FAM98A: variants seen among roughly 807,000 people sequenced by gnomAD.
The protein encoded by FAM98A is protein FAM98A.
In FAM98A, 25 loss-of-function variants were observed where a neutral mutation model predicts 62.9. That is an observed-to-expected ratio of 0.40 (90% CI 0.29 to 0.56). The LOEUF is 0.56. FAM98A is among the 20% of genes least tolerant of loss of function. The pLI is 0.51. For synonymous variants in FAM98A, 252 were observed against 228.6 expected (o/e 1.10, Z -0.92); for missense variants, 653 against 640.7 (o/e 1.02, Z -0.21).
chr2:33,585,168 C>A lies in FAM98A; in HGVS notation c.1165G>T (p.Gly389Cys). The change falls in exon 8 of 8, where the codon GGT (glycine) becomes TGT (cysteine). Residue 389 changes from glycine to cysteine, a missense_variant. By Grantham distance (159) the Gly-to-Cys change is radical. Transcript: ENST00000238823. ...CCATCTTGGTAGCCACCTCCTCCACCACTCCCTCCATCTGTCCAGCCTCCT... is the reference window on the plus strand; with the variant it reads ...CCATCTTGGTAGCCACCTCCTCCACAACTCCCTCCATCTGTCCAGCCTCCT... ...HQGGWTDGGS[G>C]GGGGYQDGGY... 2 of 1,614,138 alleles carry A rather than the reference C, an allele frequency of 1.2e-6. No individual in the cohort carries two copies. The highest frequency in any genetic ancestry group is 1.7e-6 in the Non-Finnish European group (2 of 1,180,024).
chr2:33,593,578 C>T (rs764874560), intron 2 of FAM98A, among the ~76,000 whole-genome samples: 2 of 152,184 alleles, frequency 1.3e-5, no homozygotes, highest in Non-Finnish European at 2.9e-5. Flanking sequence ...AAAGCTCTTT[C>T]TTCATTATTT....
At chr2:33,598,805 T>C (rs563196104) in intron 1 of FAM98A, among the ~76,000 whole-genome samples, 32 of 152,136 alleles carry the variant, frequency 2.1e-4, no homozygotes, top group Admixed American at 3.3e-4. Flanking sequence ...AGAATCAACT[T>C]TGGCAACCTT....
intron 3 of FAM98A, among the ~76,000 whole-genome samples, chr2:33,590,898 C>T (rs1281109916): frequency 2.0e-5 from 3 of 152,258 alleles, no homozygotes; most frequent in Admixed American, 6.5e-5. Context: ...GCATTCCACA[C>T]AGCTATTATC....
chr2:33,588,637 A>G, intron 3 of FAM98A, 118 bp from the exon 4 acceptor site: 1 of 648,674 alleles, frequency 1.5e-6, no homozygotes, highest in Non-Finnish European at 2.4e-6. Flanking sequence ...AAGAATGGAT[A>G]AAAACAAGAA....
Position 33,585,427 on chromosome 2 carries a change from C to T in FAM98A, c.906G>A (p.Val302=), listed in dbSNP as rs1677524742. The T allele has an allele frequency of 6.2e-7, 1 of 1,614,032 alleles. No individual in the cohort carries two copies. Among genetic ancestry groups the T allele is most frequent in the East Asian group, 2.2e-5 (1 of 44,892 alleles). Reference sequence around the variant, plus strand: ...CATTGGGTCTACCACCTCTGTCAGGCACCCTGCCCATCAACACCTACAGAA... The same window carrying T: ...CATTGGGTCTACCACCTCTGTCAGGTACCCTGCCCATCAACACCTACAGAA... ...CAINKVLMGR[V]PDRGGRPNEI... The change falls in exon 8 of 8, where the codon GTG becomes GTA. Residue 302 remains valine (V), a synonymous_variant. Transcript: ENST00000238823.
chr2:33,596,076 T>G (rs1343250886), intron 1 of FAM98A, among the ~76,000 whole-genome samples: 1 of 152,202 alleles, frequency 6.6e-6, no homozygotes, highest in African/African-American at 2.4e-5. Context: ...CTAGATTATG[T>G]TTTTATTTTG....
chr2:33,596,798 A>C (rs1677822404), intron 1 of FAM98A, among the ~76,000 whole-genome samples: 1 of 150,544 alleles, frequency 6.6e-6, no homozygotes, highest in South Asian at 2.1e-4. Context: ...AGGCTGAGGC[A>C]GGAGAATGGC....
rs1677891454 is a variant in FAM98A at position 33,599,025 on chromosome 2, G to C, written c.53+144C>G. 5.4e-6 allele frequency: 4 copies of C among 740,140 alleles called. No individual in the cohort carries two copies. In the East Asian group the frequency reaches 9.7e-5, roughly 18 times the overall value. 45.8% of individuals were successfully genotyped at this position (740,140 alleles called of 1,614,324 possible). Reference sequence around the variant, plus strand: ...AGTGCAGACAGTGGACGTGGCATTGGGGGTGCCGGGGCCAAAGGGAAGCGA... The same window carrying C: ...AGTGCAGACAGTGGACGTGGCATTGCGGGTGCCGGGGCCAAAGGGAAGCGA... On this transcript the variant is annotated intron_variant, in intron 1 of 7. Transcript: ENST00000238823.
intron 1 of FAM98A, among the ~76,000 whole-genome samples, chr2:33,597,471 C>A (rs1572421470): frequency 6.6e-6 from 1 of 152,096 alleles, no homozygotes; most frequent in Non-Finnish European, 1.5e-5. Flanking sequence ...AAATTTATAA[C>A]AGTTTTCAGA....
rs539294537 is a variant in FAM98A at position 33,592,065 on chromosome 2, T to A, written c.337+15A>T. 6 of 1,607,120 alleles carry A rather than the reference T, an allele frequency of 3.7e-6. No homozygotes were observed. Among genetic ancestry groups the A allele is most frequent in the South Asian group, 3.3e-5 (3 of 90,032 alleles). On this transcript the variant is annotated intron_variant, in intron 3 of 7. Coordinates refer to ENST00000238823, the MANE Select transcript of FAM98A (RefSeq NM_015475.5). ...ACAGAAAGTAATAGCTATATTCTAG[T>A]AGCCATGAACTTACTGAGCAAGAGG...
intron 1 of FAM98A, among the ~76,000 whole-genome samples, chr2:33,596,502 G>A (rs1677814425): frequency 6.6e-6 from 1 of 152,108 alleles, no homozygotes; most frequent in Non-Finnish European, 1.5e-5. Flanking sequence ...GTCACTCCAA[G>A]TAATCTTAAA....
At chr2:33,591,080 G>A (rs1204192266) in intron 3 of FAM98A, among the ~76,000 whole-genome samples, 2 of 152,004 alleles carry the variant, frequency 1.3e-5, no homozygotes. Flanking sequence ...AGTATCTAAA[G>A]CAACACCTAA....
At chr2:33,593,550 G>C (rs947033652) in intron 2 of FAM98A, among the ~76,000 whole-genome samples, 1 of 152,170 alleles carries the variant, frequency 6.6e-6, no homozygotes, top group East Asian at 1.9e-4. Flanking sequence ...AGTTCACTGG[G>C]TGAACCAAAG....
In FAM98A at chr2:33,594,612, CAT is replaced by C. The variant is rs200752938; in HGVS notation, c.202+875_202+876del. Among the ~76,000 whole-genome samples, 139 of 112,096 alleles carry C rather than the reference CAT, an allele frequency of 1.2e-3. 44 individuals are homozygous for C. The highest frequency in any genetic ancestry group is 5.0e-3 in the African/African-American group (116 of 23,382). 73.5% of individuals were successfully genotyped at this position (112,096 alleles called of 152,430 possible). On this transcript the variant is annotated intron_variant, in intron 2 of 7. Coordinates refer to ENST00000238823, the MANE Select transcript of FAM98A (RefSeq NM_015475.5). The stretch of plus-strand genomic sequence containing the variant: ...ACACACACACACACATACATACACA[CAT>C]ATATATATACACACATATATATACA...
intron 3 of FAM98A, among the ~76,000 whole-genome samples, chr2:33,590,474 G>C (rs901345362): frequency 3.9e-5 from 6 of 152,274 alleles, no homozygotes; most frequent in African/African-American, 9.6e-5. Context: ...CATAGACCAA[G>C]TCAAAAATGA....
rs1180351735 is a variant in FAM98A at position 33,594,602 on chromosome 2, T to C, written c.202+887A>G. 3.6e-4 allele frequency among the ~76,000 whole-genome samples: 36 copies of C among 100,986 alleles called. 5 individuals carry two copies. Among genetic ancestry groups the C allele is most frequent in the African/African-American group, 1.1e-3 (26 of 22,964 alleles). 66.3% of individuals were successfully genotyped at this position (100,986 alleles called of 152,430 possible). ...ACACACACACACACACACACACACA[T>C]ACATACACACATATATATATACACA... On this transcript the variant is annotated intron_variant, in intron 2 of 7. Transcript: ENST00000238823.
intron 2 of FAM98A, among the ~76,000 whole-genome samples, chr2:33,594,117 T>A (rs1677735203): frequency 6.6e-6 from 1 of 152,228 alleles, no homozygotes; most frequent in Non-Finnish European, 1.5e-5. Flanking sequence ...ACCTGCCTCA[T>A]AGGGTTGCCC....
At chr2:33,594,271 A>G (rs1375612067) in intron 2 of FAM98A, among the ~76,000 whole-genome samples, 3 of 152,086 alleles carry the variant, frequency 2.0e-5, no homozygotes, top group Non-Finnish European at 4.4e-5. Context: ...CATTAAATAT[A>G]CCAGCATGCA....
At chr2:33,599,086 G>A in intron 1 of FAM98A, 83 bp downstream of exon 1, 1 of 1,132,596 alleles carries the variant, frequency 8.8e-7, no homozygotes, top group Non-Finnish European at 1.3e-6. Flanking sequence ...TGGAGAGGCA[G>A]GTGTCTCAGA....
Sources: gnomAD v4.1 joint callset for allele counts (sites outside exome capture counted in the v4.1 genomes callset) on GRCh38, gnomAD v4.1.1 for gene constraint, MANE v1.5 for transcripts, NCBI Gene and HGNC (gene_info 2026-07-23, HGNC 2026-07-21) for gene names.